The following AGBL4 variants were observed in gnomAD, a reference collection of about 807,000 sequenced individuals.
The protein encoded by AGBL4 is cytosolic carboxypeptidase 6.
Under a neutral mutation model 66.4 loss-of-function variants are expected in AGBL4, and 58 were observed. The observed-to-expected ratio is 0.87, with a 90% CI of 0.71 to 1.09. The LOEUF is 1.09. Ranked by LOEUF, AGBL4 falls within the 50% of genes least tolerant of loss-of-function variation. The pLI is 0.00. For missense variants in AGBL4, 579 were observed against 631.0 expected (o/e 0.92, Z 0.88); for synonymous variants, 234 against 222.9 (o/e 1.05, Z -0.44).
chr1:49,508,820 CT>C (rs953175125), intron 3 of AGBL4, among the ~76,000 whole-genome samples: 35 of 152,068 alleles, frequency 2.3e-4, no homozygotes, highest in Admixed American at 2.2e-3. Flanking sequence ...TAGTTTCCTT[CT>C]TTTCTCCTGA....
At chr1:49,681,313 C>T (rs951637482) in intron 3 of AGBL4, among the ~76,000 whole-genome samples, 26 of 151,974 alleles carry the variant, frequency 1.7e-4, no homozygotes, top group African/African-American at 6.0e-4. Flanking sequence ...TTATGAAATC[C>T]TGGATTTTAT....
intron 3 of AGBL4, among the ~76,000 whole-genome samples, chr1:49,378,226 A>G: frequency 6.6e-6 from 1 of 152,120 alleles, no homozygotes; most frequent in Non-Finnish European, 1.5e-5. Flanking sequence ...CCTTAAAAAG[A>G]AAAAATGTTG....
chr1:49,934,554 C>G (rs904315246), intron 1 of AGBL4, among the ~76,000 whole-genome samples: 7 of 152,090 alleles, frequency 4.6e-5, no homozygotes, highest in African/African-American at 1.7e-4. Flanking sequence ...TGCTTCTGAA[C>G]AACCAATGGG....
chr1:48,530,858 C>T (rs1206966434), downstream of AGBL4, among the ~76,000 whole-genome samples: 1 of 152,168 alleles, frequency 6.6e-6, no homozygotes, highest in African/African-American at 2.4e-5. Context: ...GTGGCCAGCT[C>T]CACCCACCTG....
intron 3 of AGBL4, among the ~76,000 whole-genome samples, chr1:49,284,576 G>C (rs575536657): frequency 6.6e-6 from 1 of 152,300 alleles, no homozygotes; most frequent in Admixed American, 6.5e-5. Context: ...ACACAGACTG[G>C]CAAATTGGAT....
At chr1:48,776,530 CGCCCGGG>C in intron 6 of AGBL4, 124 of 1,122,244 alleles carry the variant, frequency 1.1e-4, no homozygotes, top group Non-Finnish European at 1.3e-4. Context: ...CGGTCCCCTC[CGCCCGGG>C]CCCCCGGCCC....
intron 6 of AGBL4, among the ~76,000 whole-genome samples, chr1:48,721,088 T>C (rs1334830081): frequency 1.3e-5 from 2 of 151,630 alleles, no homozygotes; most frequent in Non-Finnish European, 2.9e-5. Context: ...AGTGTAAAGC[T>C]TGAGGGTGCT....
chr1:49,866,796 TTC>T (rs1301284012), intron 1 of AGBL4, among the ~76,000 whole-genome samples: 1 of 151,146 alleles, frequency 6.6e-6, no homozygotes, highest in Non-Finnish European at 1.5e-5. Flanking sequence ...AACCAAGAAT[TTC>T]TTTTTTTTTT....
At chr1:48,652,946 A>G (rs1645955384) in intron 8 of AGBL4, among the ~76,000 whole-genome samples, 3 of 152,184 alleles carry the variant, frequency 2.0e-5, no homozygotes, top group Admixed American at 2.0e-4. Flanking sequence ...TGCAAAACAC[A>G]TTCCTTCCCA....
chr1:48,693,869 G>A (rs1570272923), intron 6 of AGBL4, among the ~76,000 whole-genome samples: 1 of 152,020 alleles, frequency 6.6e-6, no homozygotes. Context: ...CTCCTGCCGG[G>A]TACTGGGCAG....
chr1:48,690,495 A>C (rs1646611969), intron 6 of AGBL4, among the ~76,000 whole-genome samples: 1 of 152,178 alleles, frequency 6.6e-6, no homozygotes, highest in African/African-American at 2.4e-5. Context: ...ACAAGTGTTC[A>C]AGCCCCTCCT....
At chr1:49,068,537 A>G (rs1644536500) in intron 4 of AGBL4, among the ~76,000 whole-genome samples, 4 of 152,096 alleles carry the variant, frequency 2.6e-5, no homozygotes, top group Admixed American at 2.0e-4. Flanking sequence ...AGCTTCATCC[A>G]TGTCCCTACA....
chr1:49,990,322 T>C (rs753559383), intron 1 of AGBL4, among the ~76,000 whole-genome samples: 3 of 152,172 alleles, frequency 2.0e-5, no homozygotes, highest in African/African-American at 4.8e-5. Flanking sequence ...GATTGAATCA[T>C]GTGGGTGGTT....
At chr1:49,324,643 T>C (rs753094416) in intron 3 of AGBL4, among the ~76,000 whole-genome samples, 3 of 152,188 alleles carry the variant, frequency 2.0e-5, no homozygotes, top group African/African-American at 7.2e-5. Context: ...TTCAGCAGCA[T>C]AGAACCAGGG....
chr1:49,883,281 G>T (rs932079219), intron 1 of AGBL4, among the ~76,000 whole-genome samples: 4 of 151,978 alleles, frequency 2.6e-5, no homozygotes, highest in Admixed American at 6.6e-5. Context: ...CTATTTGCCT[G>T]GATATATGCA....
intron 4 of AGBL4, among the ~76,000 whole-genome samples, chr1:49,064,723 G>A (rs940307533): frequency 2.0e-5 from 3 of 152,010 alleles, no homozygotes; most frequent in Admixed American, 6.5e-5. Context: ...TTAAATACTT[G>A]GAATTACGTT....
chr1:48,896,013 C>A (rs1651472976), intron 5 of AGBL4, among the ~76,000 whole-genome samples: 3 of 152,162 alleles, frequency 2.0e-5, no homozygotes, highest in African/African-American at 4.8e-5. Context: ...TTGCAGGTTG[C>A]CATTCAAAAA....
chr1:48,858,991 C>T (rs1425180795), intron 6 of AGBL4, among the ~76,000 whole-genome samples: 1 of 151,936 alleles, frequency 6.6e-6, no homozygotes, highest in Non-Finnish European at 1.5e-5. Context: ...GAAGATTGCA[C>T]ATATCTACCC....
At chr1:49,411,597 T>C (rs538570041) in intron 3 of AGBL4, among the ~76,000 whole-genome samples, 20 of 152,106 alleles carry the variant, frequency 1.3e-4, no homozygotes, top group Non-Finnish European at 2.5e-4. Context: ...ATAGCAAGGC[T>C]CTCAAGTAGT....
Sources: allele counts gnomAD v4.1 joint callset (sites outside exome capture counted in the v4.1 genomes callset), GRCh38; gene constraint gnomAD v4.1.1; transcripts MANE v1.5; gene names NCBI Gene and HGNC (gene_info 2026-07-23, HGNC 2026-07-21).